The following MRNIP variants were observed in gnomAD, a reference collection of about 807,000 sequenced individuals.
MRNIP encodes MRN complex-interacting protein.
A neutral mutation model predicts 29.8 loss-of-function variants in MRNIP; 30 were observed. The ratio of observed to expected loss-of-function variants is 1.01; its 90% confidence interval spans 0.75 to 1.36. The LOEUF is 1.36. Ranked by LOEUF, MRNIP falls within the 40% of genes most tolerant of loss-of-function variation. The pLI, the probability that MRNIP is intolerant of heterozygous loss-of-function variation, is 0.00. For synonymous variants in MRNIP, 201 were observed against 164.1 expected, an observed-to-expected ratio of 1.23 and a Z score of -1.72; for missense variants, 459 against 423.5, an observed-to-expected ratio of 1.08 and a Z score of -0.74.
chr5:179,842,120 G>A lies in MRNIP; in HGVS notation c.292-56C>T, dbSNP rs530704719. On this transcript the variant is annotated intron_variant, in intron 4 of 6. Transcript: ENST00000292586. ...GTACTGGAAACCAGGCAGTTTTATC[G>A]AAAACCCCTAGCCCAACTCTTGGGC... The A allele has an allele frequency of 2.2e-5, 35 of 1,559,584 alleles. No homozygotes were observed. In the Admixed American group the frequency reaches 2.2e-4, roughly 10 times the overall value.
At chr5:179,857,638 C>T (rs1759650235) in intron 1 of MRNIP, among the ~76,000 whole-genome samples, 1 of 152,128 alleles carries the variant, frequency 6.6e-6, no homozygotes, top group South Asian at 2.1e-4. Flanking sequence ...TTAAAATGGC[C>T]CTTACAAACG....
At chr5:179,847,426 C>G (rs1759183804) in intron 3 of MRNIP, 1 of 152,870 alleles carries the variant, frequency 6.5e-6, no homozygotes, top group African/African-American at 2.4e-5. Context: ...CCTTGGCCTC[C>G]TAAAGTGCTG....
intron 2 of MRNIP, among the ~76,000 whole-genome samples, chr5:179,849,417 T>C (rs1253187438): frequency 6.9e-6 from 1 of 145,498 alleles, no homozygotes; most frequent in Non-Finnish European, 1.5e-5. Context: ...TTTGTGACCA[T>C]GGGTCCTGCT....
chr5:179,855,904 G>GTTTTTTTTTTTTTTTTTTTTTT (rs1191193921), intron 1 of MRNIP, among the ~76,000 whole-genome samples: 1 of 131,412 alleles, frequency 7.6e-6, no homozygotes, highest in African/African-American at 3.4e-5. Context: ...AGTAAGAAAA[G>GTTTTTTTTTTTTTTTTTTTTTT]TTGTTTTTTT....
At chr5:179,854,312 G>A (rs1403603581) in intron 1 of MRNIP, among the ~76,000 whole-genome samples, 1 of 152,170 alleles carries the variant, frequency 6.6e-6, no homozygotes, top group Non-Finnish European at 1.5e-5. Flanking sequence ...GAGCCACCAG[G>A]GCTGGATCTG....
intron 5 of MRNIP, 66 bp from the exon 6 acceptor site, chr5:179,841,025 G>A (rs1011342393): frequency 9.5e-5 from 112 of 1,183,756 alleles, no homozygotes; most frequent in Non-Finnish European, 1.3e-4. Context: ...CTGACTCCAC[G>A]ATCACATGGC....
At chr5:179,848,186 A>G (rs1295973236) in intron 2 of MRNIP, 120 bp from the exon 3 acceptor site, 1 of 744,988 alleles carries the variant, frequency 1.3e-6, no homozygotes, top group Non-Finnish European at 2.4e-6. Context: ...AAAGACCCCT[A>G]AAGCAGCATG....
chr5:179,841,628 C>G, intron 5 of MRNIP: 1 of 413,400 alleles, frequency 2.4e-6, no homozygotes, highest in Non-Finnish European at 4.3e-6. Context: ...GACCTCTCCC[C>G]TGGGGTCAGT....
At chr5:179,844,039 C>T in intron 4 of MRNIP, 113 bp downstream of exon 4, 1 of 846,602 alleles carries the variant, frequency 1.2e-6, no homozygotes, top group Non-Finnish European at 1.9e-6. Context: ...AGCCAACTGC[C>T]TGTCATTGGG....
chr5:179,853,118 T>C (rs1180668900), intron 2 of MRNIP: 1 of 967,280 alleles, frequency 1.0e-6, no homozygotes, highest in Non-Finnish European at 1.5e-6. Context: ...ATGGGCTTAC[T>C]TTCCACTGTT....
chr5:179,845,481 T>C (rs1759088187), intron 3 of MRNIP, among the ~76,000 whole-genome samples: 1 of 150,714 alleles, frequency 6.6e-6, no homozygotes, highest in South Asian at 2.1e-4. Flanking sequence ...TGATTATACT[T>C]TTAAGTTCTA....
chr5:179,856,902 A>G (rs1759605428), intron 1 of MRNIP, among the ~76,000 whole-genome samples: 1 of 151,974 alleles, frequency 6.6e-6, no homozygotes, highest in Admixed American at 6.6e-5. Flanking sequence ...CAGCCTGGGC[A>G]ACACGGCCGA....
intron 1 of MRNIP, among the ~76,000 whole-genome samples, chr5:179,853,894 T>C (rs1413534781): frequency 2.0e-5 from 3 of 151,906 alleles, no homozygotes; most frequent in Non-Finnish European, 4.4e-5. Context: ...TGTATTTTAG[T>C]AGAGATGGGG....
At chr5:179,858,025 A>AAAAAG (rs889628189) in intron 1 of MRNIP, among the ~76,000 whole-genome samples, 11 of 143,278 alleles carry the variant, frequency 7.7e-5, no homozygotes, top group African/African-American at 2.3e-4. Context: ...AAAAAAAAAA[A>AAAAAG]AAGAAGAAGA....
At chr5:179,842,394 G>A (rs1167047371) in intron 4 of MRNIP, among the ~76,000 whole-genome samples, 1 of 151,968 alleles carries the variant, frequency 6.6e-6, no homozygotes, top group Non-Finnish European at 1.5e-5. Flanking sequence ...TATAAGAACA[G>A]AAGTAGCCGG....
intron 6 of MRNIP, chr5:179,839,803 ATAT>A (rs1758796313): frequency 6.6e-6 from 1 of 152,354 alleles, no homozygotes; most frequent in African/African-American, 2.4e-5. Context: ...GCAGCACTGG[ATAT>A]GCGGTGGGGC....
chr5:179,854,657 T>C (rs541864074), intron 1 of MRNIP, among the ~76,000 whole-genome samples: 4 of 152,096 alleles, frequency 2.6e-5, no homozygotes, highest in South Asian at 2.1e-4. Context: ...AAGACCCAAA[T>C]TGAAGCTGTA....
Position 179,851,528 on chromosome 5 carries a change from T to A in MRNIP, c.126+1850A>T, listed in dbSNP as rs1017467839. 174 of 437,830 alleles carry A rather than the reference T, an allele frequency of 4.0e-4. 1 individual carries two copies. In the Admixed American group the frequency reaches 4.0e-3, roughly 10 times the overall value. The allele number at this position is 437,830 out of a possible 1,614,324, so 27.1% of individuals were successfully genotyped here. On this transcript the variant is annotated intron_variant, in intron 2 of 6. Coordinates refer to ENST00000292586, the MANE Select transcript of MRNIP (RefSeq NM_016175.4). Reference sequence around the variant, plus strand: ...GCTGATGTCTGGCTTGTTGGCAGCTTTTCAGTTCTTGGGGCTAGTTTTTCA... The same window carrying A: ...GCTGATGTCTGGCTTGTTGGCAGCTATTCAGTTCTTGGGGCTAGTTTTTCA...
chr5:179,855,382 G>A (rs1759532275), intron 1 of MRNIP, among the ~76,000 whole-genome samples: 1 of 151,998 alleles, frequency 6.6e-6, no homozygotes, highest in Non-Finnish European at 1.5e-5. Context: ...GACCTCAAGT[G>A]ACCCACCCAA....
Sources: allele counts gnomAD v4.1 joint callset (sites outside exome capture counted in the v4.1 genomes callset), GRCh38; gene constraint gnomAD v4.1.1; transcripts MANE v1.5; gene names NCBI Gene and HGNC (gene_info 2026-07-23, HGNC 2026-07-21).